Variants in COL27A1 observed in about 807,000 individuals in gnomAD.
The protein encoded by COL27A1 is collagen type XXVII alpha 1 chain.
A neutral mutation model predicts 251.3 loss-of-function variants in COL27A1; 106 were observed. The ratio of observed to expected loss-of-function variants is 0.42; its 90% CI spans 0.36 to 0.50. The LOEUF is 0.50. Ranked by LOEUF, COL27A1 falls within the 20% of genes least tolerant of loss-of-function variation. The pLI is 0.00. For synonymous variants in COL27A1, 1,000 were observed against 986.3 expected, an observed-to-expected ratio of 1.01 and a Z score of -0.26; for missense variants, 2,325 against 2,522.8, an observed-to-expected ratio of 0.92 and a Z score of 1.68.
chr9:114,299,213 G>A (rs548907978), intron 49 of COL27A1, among the ~76,000 whole-genome samples: 13 of 152,176 alleles, frequency 8.5e-5, no homozygotes, highest in African/African-American at 3.1e-4. Flanking sequence ...GGGAGATGAC[G>A]TATTATCCTA....
chr9:114,177,929 A>T (rs531027675), intron 3 of COL27A1, among the ~76,000 whole-genome samples: 1 of 152,138 alleles, frequency 6.6e-6, no homozygotes, highest in Non-Finnish European at 1.5e-5. Flanking sequence ...CTTTGAGGAG[A>T]CTGTCATCTG....
intron 45 of COL27A1, 106 bp downstream of exon 45, chr9:114,289,401 G>A (rs892119022): frequency 1.8e-6 from 2 of 1,120,016 alleles, no homozygotes; most frequent in Non-Finnish European, 2.5e-6. Flanking sequence ...CTGCGAGGCA[G>A]GGTAGGGAGG....
chr9:114,293,290 CCCATGGGTCAAAGAAGAGACCAAAAGA>C (rs1338815251), intron 49 of COL27A1, among the ~76,000 whole-genome samples: 2 of 152,060 alleles, frequency 1.3e-5, no homozygotes, highest in Admixed American at 6.5e-5. Context: ...GTCTAAATGA[CCCATGGGTCAAAGAAGAGACCAAAAGA>C]GATGTTAGTA....
intron 40 of COL27A1, 64 bp downstream of exon 40, chr9:114,283,826 A>T (rs1335183296): frequency 5.9e-6 from 9 of 1,530,184 alleles, no homozygotes; most frequent in Non-Finnish European, 8.1e-6. Flanking sequence ...ACACAGGCCC[A>T]TGCCAGCCTC....
intron 32 of COL27A1, among the ~76,000 whole-genome samples, 165 bp downstream of exon 32, chr9:114,265,640 G>T (rs948314253): frequency 6.6e-6 from 1 of 152,256 alleles, no homozygotes; most frequent in Non-Finnish European, 1.5e-5. Context: ...CAGGAGCTCT[G>T]GGTTTGAGGC....
intron 12 of COL27A1, among the ~76,000 whole-genome samples, chr9:114,214,528 A>G (rs1485563400): frequency 2.0e-5 from 3 of 152,196 alleles, no homozygotes; most frequent in African/African-American, 7.2e-5. Flanking sequence ...AGCACATCAG[A>G]GCTATAGGAA....
intron 36 of COL27A1, among the ~76,000 whole-genome samples, chr9:114,275,103 A>AT (rs1835407000): frequency 2.0e-5 from 3 of 148,356 alleles, no homozygotes; most frequent in Non-Finnish European, 1.5e-5. Context: ...AAAAAAAGAA[A>AT]TTTTTTTTCA....
intron 24 of COL27A1, 22 bp from the exon 25 acceptor site, chr9:114,250,593 C>G: frequency 6.2e-7 from 1 of 1,609,588 alleles, no homozygotes; most frequent in Non-Finnish European, 8.5e-7. Context: ...GTTTCTCTTG[C>G]TTTCGGGAAT....
intron 16 of COL27A1, 73 bp from the exon 17 acceptor site, chr9:114,235,525 CA>C (rs993462589): frequency 8.7e-7 from 1 of 1,146,560 alleles, no homozygotes; most frequent in African/African-American, 1.5e-5. Flanking sequence ...TGTACCTCGC[CA>C]GGGGGTCTGT....
At chr9:114,282,683 A>T in intron 39 of COL27A1, 119 bp downstream of exon 39, 1 of 647,368 alleles carries the variant, frequency 1.5e-6, no homozygotes, top group Non-Finnish European at 2.6e-6. Context: ...TTAGCTGAAC[A>T]CCTGGTGCTC....
intron 54 of COL27A1, 78 bp from the exon 55 acceptor site, chr9:114,301,604 T>C: frequency 6.5e-7 from 1 of 1,528,924 alleles, no homozygotes; most frequent in East Asian, 2.3e-5. Flanking sequence ...GTCCCAGGTC[T>C]GCTTGAGGAG....
chr9:114,257,135 G>A (rs1833972724), intron 27 of COL27A1, among the ~76,000 whole-genome samples: 1 of 152,228 alleles, frequency 6.6e-6, no homozygotes, highest in African/African-American at 2.4e-5. Context: ...TCAAAGCCAT[G>A]GGGAAAGGGA....
chr9:114,242,696 G>A (rs190606657), intron 22 of COL27A1, among the ~76,000 whole-genome samples: 1 of 152,164 alleles, frequency 6.6e-6, no homozygotes, highest in Admixed American at 6.5e-5. Flanking sequence ...GGTATCCAGA[G>A]CTTTTTACAC....
intron 56 of COL27A1, among the ~76,000 whole-genome samples, chr9:114,302,733 A>C (rs1249643202): frequency 1.9e-4 from 29 of 151,908 alleles, no homozygotes; most frequent in South Asian, 4.2e-4. Flanking sequence ...AAACAAAAAA[A>C]AAAAAAAACA....
At chr9:114,276,348 G>A (rs1042501767) in intron 37 of COL27A1, among the ~76,000 whole-genome samples, 4 of 152,220 alleles carry the variant, frequency 2.6e-5, no homozygotes, top group African/African-American at 7.2e-5. Flanking sequence ...GCTCACGCCT[G>A]TAATCCCAGC....
At chr9:114,302,012 C>G in intron 55 of COL27A1, 70 bp from the exon 56 acceptor site, 2 of 1,446,624 alleles carry the variant, frequency 1.4e-6, no homozygotes, top group Non-Finnish European at 1.9e-6. Context: ...TCTCCCTGGT[C>G]TCCTGACACC....
chr9:114,221,206 T>C (rs1188691654), intron 13 of COL27A1, among the ~76,000 whole-genome samples: 2 of 151,872 alleles, frequency 1.3e-5, no homozygotes, highest in African/African-American at 4.8e-5. Context: ...AGGTGCCTCT[T>C]TGGAGAAGGG....
At chr9:114,201,802 G>A (rs963980137) in intron 7 of COL27A1, among the ~76,000 whole-genome samples, 1 of 152,196 alleles carries the variant, frequency 6.6e-6, no homozygotes, top group African/African-American at 2.4e-5. Flanking sequence ...TTTCATCCCA[G>A]GGAGGCGCAT....
chr9:114,243,550 A>G lies in COL27A1; in HGVS notation c.2924A>G (p.Asp975Gly). 5.0e-6 allele frequency: 8 copies of G among 1,613,584 alleles called. No homozygotes were observed. The highest frequency in any genetic ancestry group is 6.8e-6 in the Non-Finnish European group (8 of 1,179,686). ...GGGTTTCCTGGGAGGCCCGGCCTGG[A>G]TGGCGTGAAGGTGAGGGGACCTGGA... Reference protein sequence around the residue: ...RKGFPGRPGLDGVKGEPGDPG... With the variant: ...RKGFPGRPGLGGVKGEPGDPG... Residue 975 changes from aspartate to glycine, a missense_variant, in exon 23 of 61, where the codon GAT becomes GGT. Asp to Gly is a moderately conservative substitution (Grantham distance 94). This residue lies in a region of COL27A1 where 662 missense variants were observed against 795.3 expected (regional missense o/e 0.83). Transcript: ENST00000356083.
Sources: allele counts gnomAD v4.1 joint callset (sites outside exome capture counted in the v4.1 genomes callset), GRCh38; gene constraint gnomAD v4.1.1; regional missense constraint gnomAD v4.1.1; transcripts MANE v1.5; gene names NCBI Gene and HGNC (gene_info 2026-07-23, HGNC 2026-07-21).